The following CASQ2 variants were observed in gnomAD, a reference collection of about 807,000 sequenced individuals.
The protein encoded by CASQ2 is calsequestrin-2.
Under a neutral mutation model 46.5 loss-of-function variants are expected in CASQ2, and 49 were observed. The observed-to-expected ratio is 1.05, with a 90% CI of 0.84 to 1.34. The LOEUF (loss-of-function observed/expected upper bound fraction) is 1.34. Among genes scored for constraint, CASQ2 ranks in the 40% most tolerant of loss-of-function variants. The pLI is 0.00. For missense variants in CASQ2, 486 were observed against 481.3 expected, an observed-to-expected ratio of 1.01 and a Z score of -0.09; for synonymous variants, 174 against 168.5, an observed-to-expected ratio of 1.03 and a Z score of -0.25.
At chr1:115,716,038 C>T (rs1654691647) in intron 8 of CASQ2, among the ~76,000 whole-genome samples, 1 of 152,220 alleles carries the variant, frequency 6.6e-6, no homozygotes, top group Non-Finnish European at 1.5e-5. Context: ...GGAACCATCT[C>T]TAGATCTCTC....
At chr1:115,732,719 G>A (rs1024766403) in intron 5 of CASQ2, among the ~76,000 whole-genome samples, 182 bp downstream of exon 5, 1 of 152,142 alleles carries the variant, frequency 6.6e-6, no homozygotes, top group African/African-American at 2.4e-5. Flanking sequence ...CTCTGACTTA[G>A]TCATCTTTGT....
intron 10 of CASQ2, 64 bp downstream of exon 10, chr1:115,702,857 G>A: frequency 8.2e-7 from 1 of 1,218,874 alleles, no homozygotes; most frequent in Non-Finnish European, 1.2e-6. Context: ...CACAATCTAA[G>A]CTGTGTAGCA....
intron 8 of CASQ2, among the ~76,000 whole-genome samples, chr1:115,711,638 T>A (rs1454895796): frequency 6.8e-6 from 1 of 147,026 alleles, no homozygotes; most frequent in African/African-American, 2.5e-5. Flanking sequence ...ATGGGAAGGG[T>A]TTTTGTTTGT....
chr1:115,703,871 C>T (rs1654281051), intron 9 of CASQ2, among the ~76,000 whole-genome samples: 1 of 150,972 alleles, frequency 6.6e-6, no homozygotes, highest in South Asian at 2.1e-4. Flanking sequence ...GAGATTATGC[C>T]ACTGCACTCC....
intron 8 of CASQ2, among the ~76,000 whole-genome samples, chr1:115,711,990 CACA>C (rs894548320): frequency 6.6e-6 from 1 of 152,086 alleles, no homozygotes; most frequent in African/African-American, 2.4e-5. Flanking sequence ...TTTGAGTTCC[CACA>C]ACATCTTAAG....
chr1:115,751,630 C>A lies in CASQ2; in HGVS notation c.235-6718G>T, dbSNP rs912920686. ...GAGCTTGCAGTGAGCCGAGATTGCG[C>A]CACTGCACTCCAGACTGGGCAACAG... On this transcript the variant is annotated intron_variant, in intron 1 of 10. Coordinates refer to ENST00000261448, the MANE Select transcript of CASQ2 (RefSeq NM_001232.4). 5.9e-5 allele frequency among the ~76,000 whole-genome samples: 9 copies of A among 151,684 alleles called. No homozygotes were observed. In the East Asian group the frequency reaches 1.8e-3, roughly 30 times the overall value.
At chr1:115,747,132 C>T (rs757623574) in intron 1 of CASQ2, among the ~76,000 whole-genome samples, 28 of 151,988 alleles carry the variant, frequency 1.8e-4, no homozygotes, top group Non-Finnish European at 3.2e-4. Context: ...TATTTAAGTT[C>T]GTGATTCACT....
Position 115,768,565 on chromosome 1 carries a change from T to C in CASQ2, c.-24A>G. Reference sequence around the variant, plus strand: ...ATTTGGGAAAACTTTTGTTTCTCGTTCCCAAATATGCTGTGTGCAGAATAG... The same window carrying C: ...ATTTGGGAAAACTTTTGTTTCTCGTCCCCAAATATGCTGTGTGCAGAATAG... On this transcript the variant is annotated 5_prime_UTR_variant, in exon 1 of 11. Coordinates refer to ENST00000261448, the MANE Select transcript of CASQ2 (RefSeq NM_001232.4). 1 of 1,481,208 alleles carries C rather than the reference T, an allele frequency of 6.8e-7. No homozygotes were observed. 91.8% of individuals were successfully genotyped at this position (1,481,208 alleles called of 1,614,324 possible).
chr1:115,754,630 C>T (rs1648696079), intron 1 of CASQ2, among the ~76,000 whole-genome samples: 1 of 152,172 alleles, frequency 6.6e-6, no homozygotes, highest in Non-Finnish European at 1.5e-5. Context: ...CAGCTAGGAT[C>T]TCAACCCTGA....
At chr1:115,701,820 T>C (rs1046260553) in intron 10 of CASQ2, among the ~76,000 whole-genome samples, 2 of 152,254 alleles carry the variant, frequency 1.3e-5, no homozygotes, top group African/African-American at 2.4e-5. Context: ...AATGTATTAT[T>C]ATTAATTTTA....
intron 1 of CASQ2, among the ~76,000 whole-genome samples, chr1:115,754,635 C>T (rs1391824245): frequency 6.6e-6 from 1 of 152,176 alleles, no homozygotes; most frequent in South Asian, 2.1e-4. Context: ...AGGATCTCAA[C>T]CCTGACACTC....
intron 3 of CASQ2, among the ~76,000 whole-genome samples, chr1:115,739,120 C>CTTTT (rs1331430788): frequency 2.1e-5 from 1 of 48,368 alleles, no homozygotes; most frequent in Non-Finnish European, 8.0e-5. Flanking sequence ...ATTTTCTTTT[C>CTTTT]TTTCTTTTTG....
At chr1:115,736,178 A>AAAT (rs1647952810) in intron 4 of CASQ2, among the ~76,000 whole-genome samples, 1 of 151,850 alleles carries the variant, frequency 6.6e-6, no homozygotes, top group Non-Finnish European at 1.5e-5. Flanking sequence ...AAAAAAAAAA[A>AAAT]AAATAGAAAA....
chr1:115,758,513 GT>G (rs1182333636), intron 1 of CASQ2, among the ~76,000 whole-genome samples: 3 of 152,160 alleles, frequency 2.0e-5, no homozygotes, highest in Non-Finnish European at 2.9e-5. Context: ...TAGTTTGGAC[GT>G]TTTTCCCTCC....
intron 8 of CASQ2, among the ~76,000 whole-genome samples, chr1:115,716,189 ACT>A (rs1157736231): frequency 6.6e-6 from 1 of 152,014 alleles, no homozygotes; most frequent in Non-Finnish European, 1.5e-5. Flanking sequence ...TCTCTTGGGG[ACT>A]CTCTGTCTCA....
At chr1:115,743,030 C>A (rs10754346) in intron 2 of CASQ2, among the ~76,000 whole-genome samples, 1 of 151,870 alleles carries the variant, frequency 6.6e-6, no homozygotes, top group African/African-American at 2.4e-5. Context: ...CCTTGTGATC[C>A]GCCTGCCTTG....
intron 1 of CASQ2, among the ~76,000 whole-genome samples, chr1:115,749,316 A>C (rs1378939287): frequency 1.3e-5 from 2 of 152,208 alleles, no homozygotes; most frequent in African/African-American, 4.8e-5. Flanking sequence ...GTAGGCATGT[A>C]AAGCATGGCC....
intron 9 of CASQ2, 62 bp downstream of exon 9, chr1:115,705,130 C>G: frequency 9.5e-7 from 1 of 1,052,960 alleles, no homozygotes; most frequent in South Asian, 1.3e-5. Flanking sequence ...TCCTCAGATG[C>G]TGAACGCAAT....
chr1:115,714,537 T>C (rs1654640231), intron 8 of CASQ2, among the ~76,000 whole-genome samples: 2 of 152,132 alleles, frequency 1.3e-5, no homozygotes, highest in Admixed American at 6.5e-5. Flanking sequence ...ATCTTCTTCC[T>C]TGGGGTGGTG....
Sources: allele counts gnomAD v4.1 joint callset (sites outside exome capture counted in the v4.1 genomes callset), GRCh38; gene constraint gnomAD v4.1.1; transcripts MANE v1.5; gene names NCBI Gene and HGNC (gene_info 2026-07-23, HGNC 2026-07-21).